Variants in RSL1D1 observed in about 807,000 individuals in gnomAD.
The protein encoded by RSL1D1 is ribosomal L1 domain containing 1.
A neutral mutation model predicts 44.6 loss-of-function variants in RSL1D1; 34 were observed. The ratio of observed to expected loss-of-function variants is 0.76; its 90% CI spans 0.58 to 1.02. The LOEUF (loss-of-function observed/expected upper bound fraction) is 1.02. Among genes scored for constraint, RSL1D1 ranks in the 50% least tolerant of loss-of-function variants. The probability of loss-of-function intolerance (pLI) is 0.00; values close to 1 mark genes in which losing one functional copy is unlikely to be tolerated. For synonymous variants in RSL1D1, 271 were observed against 207.4 expected, an observed-to-expected ratio of 1.31 and a Z score of -2.63; for missense variants, 767 against 568.1, an observed-to-expected ratio of 1.35 and a Z score of -3.56.
In RSL1D1 at chr16:11,837,317, A is replaced by G. The variant is rs2141249549; in HGVS notation, c.*470T>C. On this transcript the variant is annotated 3_prime_UTR_variant, in exon 9 of 9. Transcript: ENST00000571133. The stretch of plus-strand genomic sequence containing the variant: ...ATACACAGAAGGACAATTTAGAAAC[A>G]GATTATACCCAGGAACATATGTCAG... 1 of 152,048 alleles carries G rather than the reference A, an allele frequency of 6.6e-6. No individual in the cohort carries two copies. Among genetic ancestry groups the G allele is most frequent in the Middle Eastern group, 3.3e-3 (1 of 300 alleles). 9.4% of individuals were successfully genotyped at this position (152,048 alleles called of 1,614,324 possible). A position where few individuals can be genotyped will look rare whatever the true frequency, so the allele number is the denominator to read the frequency against.
At chr16:11,838,202 T>C in intron 8 of RSL1D1, 89 bp from the exon 9 acceptor site, 3 of 1,153,222 alleles carry the variant, frequency 2.6e-6, no homozygotes, top group Non-Finnish European at 3.6e-6. Flanking sequence ...TTTGTATTTA[T>C]TTATTTTTCA....
Position 11,839,822 on chromosome 16 carries a change from G to C in RSL1D1, c.1019C>G (p.Thr340Ser). ...ACGTTTTTTCTTCCCATGCTCTGGG[G>C]TCTGTTCCTTCTTTGATTCAGGTTT... is the stretch of plus-strand genomic sequence containing the variant. ...VKKPESKKEQ[T>S]PEHGKKKRGR... Residue 340 changes from threonine (T) to serine (S), a missense_variant, in exon 8 of 9, where the codon ACC (threonine) becomes AGC (serine). Thr to Ser is a moderately conservative substitution (Grantham distance 58). Coordinates refer to ENST00000571133, the MANE Select transcript of RSL1D1 (RefSeq NM_015659.3). 1 of 1,614,084 alleles carries C rather than the reference G, an allele frequency of 6.2e-7. No homozygotes were observed. Among genetic ancestry groups the C allele is most frequent in the Non-Finnish European group, 8.5e-7 (1 of 1,180,032 alleles).
In RSL1D1 at chr16:11,851,529, G is replaced by C. The variant is rs146961134; in HGVS notation, c.-17C>G. 2.8e-3 allele frequency: 4,432 copies of C among 1,611,254 alleles called. 26 individuals are homozygous for C. Among genetic ancestry groups the C allele is most frequent in the South Asian group, 6.4e-3 (582 of 90,886 alleles). On this transcript the variant is annotated 5_prime_UTR_variant, in exon 1 of 9. Transcript: ENST00000571133. Reference sequence around the variant, plus strand: ...ATCCTCCATCTTGTTTCCACCTCGTGAAGAGGCGCGTGTGCAACCCCACTG... The same window carrying C: ...ATCCTCCATCTTGTTTCCACCTCGTCAAGAGGCGCGTGTGCAACCCCACTG...
In RSL1D1 at chr16:11,851,308, C is replaced by G; in HGVS notation, c.105+100G>C. 5 of 1,126,798 alleles carry G rather than the reference C, an allele frequency of 4.4e-6. No individual in the cohort carries two copies. The Admixed American group carries it at 6.8e-5, about 15-fold the overall frequency. The allele number at this position is 1,126,798 out of a possible 1,614,324, so 69.8% of individuals were successfully genotyped here. ...CCCGCCAGCGACCGTCCCACAGCCC[C>G]GGGGAAGTCCGCCGAGCACGCACTC... is the stretch of plus-strand genomic sequence containing the variant. On this transcript the variant is annotated intron_variant, in intron 1 of 8. Coordinates refer to ENST00000571133, the MANE Select transcript of RSL1D1 (RefSeq NM_015659.3).
intron 3 of RSL1D1, 75 bp from the exon 4 acceptor site, chr16:11,846,918 T>C: frequency 7.8e-7 from 1 of 1,286,710 alleles, no homozygotes; most frequent in Non-Finnish European, 1.1e-6. Flanking sequence ...AGGCAACAAT[T>C]TGGATTTGGA....
In RSL1D1 at chr16:11,846,771, C is replaced by A; in HGVS notation, c.457G>T (p.Asp153Tyr). 5.6e-6 allele frequency: 9 copies of A among 1,613,700 alleles called. No individual in the cohort carries two copies. The highest frequency in any genetic ancestry group is 1.3e-5 in the African/African-American group (1 of 75,042). Reference protein sequence around the residue: ...EAKLRLLSSFDFFLTDARIRR... With the variant: ...EAKLRLLSSFYFFLTDARIRR... ...ATTCTGGCATCAGTAAGGAAGAAAT[C>A]AAAACTGCTCAGAAGGCGGAGCTTG... The change falls in exon 4 of 9, where the codon GAT (aspartate) becomes TAT (tyrosine). Residue 153 changes from aspartate to tyrosine, a missense_variant. By Grantham distance (160) the Asp-to-Tyr change is radical (BLOSUM62 -3). Transcript: ENST00000571133.
intron 7 of RSL1D1, 92 bp from the exon 8 acceptor site, chr16:11,840,077 A>C (rs1203759704): frequency 1.3e-6 from 2 of 1,525,610 alleles, no homozygotes; most frequent in Non-Finnish European, 1.7e-6. Flanking sequence ...TTGATTATCC[A>C]TAAGCCCCTA....
At position 11,847,817 on chromosome 16, in the gene RSL1D1, C is replaced by A. The variant is rs779939995; in HGVS notation, c.246-11G>T. ...CTATGAGGCAAGGTCCTACAAAATACGTGAAAAGAAACCGAGGAAAGCATT... is the reference window on the plus strand; with the variant it reads ...CTATGAGGCAAGGTCCTACAAAATAAGTGAAAAGAAACCGAGGAAAGCATT... On this transcript the variant is annotated splice_polypyrimidine_tract_variant and intron_variant, in intron 2 of 8. Coordinates refer to ENST00000571133, the MANE Select transcript of RSL1D1 (RefSeq NM_015659.3). 8 of 1,610,748 alleles carry A rather than the reference C, an allele frequency of 5.0e-6. No homozygotes were observed. Among genetic ancestry groups the A allele is most frequent in the Admixed American group, 3.4e-5 (2 of 59,230 alleles).
chr16:11,846,363 C>G, intron 5 of RSL1D1, 138 bp downstream of exon 5: 1 of 544,258 alleles, frequency 1.8e-6, no homozygotes, highest in East Asian at 3.3e-5. Context: ...CCACTGCACT[C>G]CAGCCTGGCA....
chr16:11,841,798 A>C lies in RSL1D1; in HGVS notation c.752T>G (p.Leu251Arg), dbSNP rs781735072. The change falls in exon 7 of 9, where the codon CTG (leucine) becomes CGG (arginine). Residue 251 changes from leucine (L) to arginine (R), a missense_variant. By Grantham distance (102) the Leu-to-Arg change is moderately radical (BLOSUM62 -2). Coordinates refer to ENST00000571133, the MANE Select transcript of RSL1D1 (RefSeq NM_015659.3). ...AGCCGATTTCTCAGTTTTCACAAACAGGAGTTTCACGCTCTCCCACTTCTG... is the reference window on the plus strand; with the variant it reads ...AGCCGATTTCTCAGTTTTCACAAACCGGAGTTTCACGCTCTCCCACTTCTG... ...LPEKWESVKLLFVKTEKSAAL... is the reference protein window; with the variant it reads ...LPEKWESVKLRFVKTEKSAAL... The C allele has an allele frequency of 6.2e-7, 1 of 1,614,076 alleles. No homozygotes were observed. The highest frequency in any genetic ancestry group is 8.5e-7 in the Non-Finnish European group (1 of 1,179,992).
chr16:11,843,409 G>C (rs1429849927), intron 5 of RSL1D1, among the ~76,000 whole-genome samples: 1 of 152,000 alleles, frequency 6.6e-6, no homozygotes, highest in Non-Finnish European at 1.5e-5. Context: ...CTGACTGTGA[G>C]GTTAGGCGCA....
rs1358923998 is a variant in RSL1D1, at chr16:11,846,701, C to T, written c.527G>A (p.Arg176Lys). The T allele has an allele frequency of 1.8e-5, 29 of 1,613,820 alleles. No individual in the cohort carries two copies. The highest frequency in any genetic ancestry group is 2.4e-5 in the Non-Finnish European group (28 of 1,179,932). The stretch of plus-strand genomic sequence containing the variant: ...TCATTACTAAGAAACTTACTTCTTT[C>T]TTTGATAGAAATGTCTCCCAATGAG... ...PSLIGRHFYQ[R>K]KKVPVSVNLL... is the part of the protein sequence containing the mutation. The change falls in exon 4 of 9, where the codon AGA becomes AAA. Residue 176 changes from arginine (R) to lysine (K), a missense_variant. Coordinates refer to ENST00000571133, the MANE Select transcript of RSL1D1 (RefSeq NM_015659.3).
At position 11,841,808 on chromosome 16, in the gene RSL1D1, C is replaced by G. The variant is rs900075713; in HGVS notation, c.742G>C (p.Val248Leu). 10 of 1,613,358 alleles carry G rather than the reference C, an allele frequency of 6.2e-6. No individual in the cohort carries two copies. The highest frequency in any genetic ancestry group is 1.7e-5 in the Admixed American group (1 of 59,842). Reference sequence around the variant, plus strand: ...TCAGTTTTCACAAACAGGAGTTTCACGCTCTCCCACTTCTGAAACAAAGAA... The same window carrying G: ...TCAGTTTTCACAAACAGGAGTTTCAGGCTCTCCCACTTCTGAAACAAAGAA... ...SEKLPEKWES[V>L]KLLFVKTEKS... The change falls in exon 7 of 9, where the codon GTG (valine) becomes CTG (leucine). Residue 248 changes from valine (V) to leucine (L), a missense_variant. Transcript: ENST00000571133.
chr16:11,850,172 TTATTA>T, intron 2 of RSL1D1, 102 bp downstream of exon 2: 1 of 1,121,430 alleles, frequency 8.9e-7, no homozygotes, highest in Non-Finnish European at 1.2e-6. Context: ...CGTCAGATTT[TTATTA>T]TAAGTTTGCA....
rs905760718 is a variant in RSL1D1, at chr16:11,834,235, A to G, written c.*3552T>C. 1 of 152,192 alleles carries G rather than the reference A, an allele frequency of 6.6e-6. No individual in the cohort carries two copies. The highest frequency in any genetic ancestry group is 1.5e-5 in the Non-Finnish European group (1 of 68,038). 9.4% of individuals were successfully genotyped at this position (152,192 alleles called of 1,614,324 possible). A position where few individuals can be genotyped will look rare whatever the true frequency, so the allele number is the denominator to read the frequency against. On this transcript the variant is annotated 3_prime_UTR_variant, in exon 9 of 9. Transcript: ENST00000571133. ...AACTTTATGATTTTTCAACTTTTTGATGGTATAAAAGCGATACATAATCAG... is the reference window on the plus strand; with the variant it reads ...AACTTTATGATTTTTCAACTTTTTGGTGGTATAAAAGCGATACATAATCAG...
chr16:11,850,496 AATTT>A, intron 1 of RSL1D1, 78 bp from the exon 2 acceptor site: 5 of 1,465,888 alleles, frequency 3.4e-6, no homozygotes, highest in Non-Finnish European at 4.6e-6. Context: ...TTCTCAATCT[AATTT>A]AGCATTTGCC....
Position 11,846,803 on chromosome 16 carries a change from T to C in RSL1D1, c.425A>G (p.Tyr142Cys), listed in dbSNP as rs752346562. The C allele has an allele frequency of 9.9e-6, 16 of 1,612,350 alleles. 1 individual carries two copies. The highest frequency in any genetic ancestry group is 3.3e-5 in the South Asian group (3 of 91,074). The change falls in exon 4 of 9, where the codon TAT becomes TGT. Residue 142 changes from tyrosine (Y) to cysteine (C), a missense_variant. Tyr to Cys is a radical substitution (Grantham distance 194). Transcript: ENST00000571133. ...GCTCAGAAGGCGGAGCTTGGCTTCA[T>C]AGGATTTATATTCCTTCTTTAGAGT... ...LQTLKKEYKS[Y>C]EAKLRLLSSF...
rs1336080392 is a variant in RSL1D1, at chr16:11,846,532, C to G, written c.604G>C (p.Val202Leu). The G allele has an allele frequency of 6.3e-7, 1 of 1,598,778 alleles. No homozygotes were observed. Among genetic ancestry groups the G allele is most frequent in the Non-Finnish European group, 8.5e-7 (1 of 1,173,064 alleles). The change falls in exon 5 of 9, where the codon GTC (valine) becomes CTC (leucine). Residue 202 changes from valine (V) to leucine (L), a missense_variant. Coordinates refer to ENST00000571133, the MANE Select transcript of RSL1D1 (RefSeq NM_015659.3). ...GAACCACTTTTAGAAATGTTTAAGACTGTTCCACCTATACAGTCATTGATC... is the reference window on the plus strand; with the variant it reads ...GAACCACTTTTAGAAATGTTTAAGAGTGTTCCACCTATACAGTCATTGATC... Reference protein sequence around the residue: ...REINDCIGGTVLNISKSGSCS... With the variant: ...REINDCIGGTLLNISKSGSCS...
intron 3 of RSL1D1, among the ~76,000 whole-genome samples, chr16:11,847,093 T>A (rs1363510366): frequency 6.6e-6 from 1 of 152,142 alleles, no homozygotes; most frequent in Non-Finnish European, 1.5e-5. Context: ...TTATTATACA[T>A]ATGTTGCTGT....
Sources: allele counts gnomAD v4.1 joint callset (sites outside exome capture counted in the v4.1 genomes callset), GRCh38; gene constraint gnomAD v4.1.1; transcripts MANE v1.5; gene names NCBI Gene and HGNC (gene_info 2026-07-23, HGNC 2026-07-21).